The following PPP3CA variants were observed in gnomAD, a reference collection of about 807,000 sequenced individuals.
The protein encoded by PPP3CA is protein phosphatase 3 catalytic subunit alpha.
A neutral mutation model predicts 66.5 loss-of-function variants in PPP3CA; 14 were observed. The observed-to-expected ratio is 0.21, with a 90% confidence interval of 0.14 to 0.33. PPP3CA has a LOEUF of 0.33. Among genes scored for constraint, PPP3CA ranks in the 10% least tolerant of loss-of-function variants. PPP3CA has a pLI of 1.00. For synonymous variants in PPP3CA, 232 were observed against 226.2 expected (o/e 1.03, Z -0.23); for missense variants, 317 against 639.5 (o/e 0.50, Z 5.44).
intron 2 of PPP3CA, among the ~76,000 whole-genome samples, chr4:101,192,703 T>C (rs1724645755): frequency 6.6e-6 from 1 of 152,230 alleles, no homozygotes; most frequent in Admixed American, 6.5e-5. Context: ...TTCAATATCA[T>C]GTAATCTGTC....
intron 1 of PPP3CA, among the ~76,000 whole-genome samples, chr4:101,344,868 A>T (rs2110345485): frequency 6.6e-6 from 1 of 152,346 alleles, no homozygotes; most frequent in South Asian, 2.1e-4. Context: ...TATCATTTGA[A>T]TTATAAGCTT....
At chr4:101,344,176 T>C (rs1385470730) in intron 1 of PPP3CA, among the ~76,000 whole-genome samples, 1 of 152,214 alleles carries the variant, frequency 6.6e-6, no homozygotes, top group African/African-American at 2.4e-5. Flanking sequence ...CTAAACTCCA[T>C]ATTATCTAAT....
rs1450823456 is a variant in PPP3CA at position 101,195,971 on chromosome 4, A to G, written c.204T>C (p.Gly68=). ...TTTTTTCCTGTCGAAGAATTGATGC[A>G]CCCTCTGTTATTATTCTCAATGCAA... ...ESVALRIITE[G]ASILRQEKNL... is the part of the protein sequence containing the mutation. The change falls in exon 2 of 14, where the codon GGT becomes GGC. Residue 68 remains glycine, a synonymous_variant. Coordinates refer to ENST00000394854, the MANE Select transcript of PPP3CA (RefSeq NM_000944.5). The G allele has an allele frequency of 3.7e-6, 6 of 1,613,812 alleles. No homozygotes were observed. Among genetic ancestry groups the G allele is most frequent in the African/African-American group, 1.3e-5 (1 of 74,880 alleles).
chr4:101,298,233 A>G lies in PPP3CA; in HGVS notation c.58+48506T>C, dbSNP rs140621714. On this transcript the variant is annotated intron_variant, in intron 1 of 13. Transcript: ENST00000394854. ...TCAAGAGTCCCTAAGATGTAGCCCA[A>G]TGTCATTCAGGACCCCAAAGCCTCA... 6.7e-3 allele frequency among the ~76,000 whole-genome samples: 1,015 copies of G among 152,050 alleles called. 8 individuals are homozygous for G. Among genetic ancestry groups the G allele is most frequent in the Non-Finnish European group, 9.3e-3 (635 of 67,970 alleles).
At chr4:101,041,572 C>T (rs146993693) in intron 10 of PPP3CA, among the ~76,000 whole-genome samples, 17 of 151,420 alleles carry the variant, frequency 1.1e-4, no homozygotes, top group African/African-American at 3.6e-4. Context: ...GTAGCTGGCA[C>T]AGGCATGTGC....
intron 2 of PPP3CA, among the ~76,000 whole-genome samples, chr4:101,151,273 T>C (rs998578352): frequency 7.2e-5 from 11 of 152,124 alleles, no homozygotes; most frequent in African/African-American, 2.7e-4. Flanking sequence ...TATAGAAATG[T>C]TTACTCTCAG....
In PPP3CA at chr4:101,158,683, A is replaced by G. The variant is rs79660378; in HGVS notation, c.259+37233T>C. Among the ~76,000 whole-genome samples the G allele has an allele frequency of 3.9e-3, 592 of 152,314 alleles. 5 individuals carry two copies. Among genetic ancestry groups the G allele is most frequent in the African/African-American group, 0.013 (560 of 41,558 alleles). ...TGCCTATCACTGGTGCCCATAAATA[A>G]TATCTGAATGAGTCAGTCAATTGTT... On this transcript the variant is annotated intron_variant, in intron 2 of 13. Coordinates refer to ENST00000394854, the MANE Select transcript of PPP3CA (RefSeq NM_000944.5).
At position 101,290,476 on chromosome 4, in the gene PPP3CA, A is replaced by G. The variant is rs1485772568; in HGVS notation, c.58+56263T>C. ...TTAATATAAATATTTCCTTGCTTAAATAATATAAATACATGAGAATGTAAG... is the reference window on the plus strand; with the variant it reads ...TTAATATAAATATTTCCTTGCTTAAGTAATATAAATACATGAGAATGTAAG... On this transcript the variant is annotated intron_variant, in intron 1 of 13. Coordinates refer to ENST00000394854, the MANE Select transcript of PPP3CA (RefSeq NM_000944.5). 5.3e-5 allele frequency among the ~76,000 whole-genome samples: 8 copies of G among 152,242 alleles called. No homozygotes were observed. In the East Asian group the frequency reaches 1.5e-3, roughly 29 times the overall value.
At chr4:101,159,811 C>A (rs982488357) in intron 2 of PPP3CA, among the ~76,000 whole-genome samples, 1 of 152,070 alleles carries the variant, frequency 6.6e-6, no homozygotes, top group Non-Finnish European at 1.5e-5. Flanking sequence ...AGGGCTGATT[C>A]TAAAATAGGT....
chr4:101,187,646 T>C (rs1724455727), intron 2 of PPP3CA, among the ~76,000 whole-genome samples: 1 of 152,164 alleles, frequency 6.6e-6, no homozygotes, highest in Admixed American at 6.6e-5. Context: ...GAATTTCAAA[T>C]GAATAATGTG....
At chr4:101,300,603 T>C (rs1295219645) in intron 1 of PPP3CA, among the ~76,000 whole-genome samples, 1 of 152,132 alleles carries the variant, frequency 6.6e-6, no homozygotes, top group Non-Finnish European at 1.5e-5. Context: ...AAGACCAACC[T>C]GGCCAACACG....
At chr4:101,030,380 A>T (rs1232025771) in intron 12 of PPP3CA, among the ~76,000 whole-genome samples, 1 of 152,116 alleles carries the variant, frequency 6.6e-6, no homozygotes, top group Non-Finnish European at 1.5e-5. Context: ...ATGGAGAGAG[A>T]GAGTACATAG....
intron 1 of PPP3CA, among the ~76,000 whole-genome samples, chr4:101,265,567 T>C (rs1021126317): frequency 6.6e-6 from 1 of 152,176 alleles, no homozygotes. Context: ...TAACTAAACA[T>C]GAATCACTTG....
intron 1 of PPP3CA, among the ~76,000 whole-genome samples, chr4:101,267,522 A>G (rs1233485262): frequency 6.6e-6 from 1 of 152,168 alleles, no homozygotes; most frequent in Non-Finnish European, 1.5e-5. Context: ...TTTGAGGGCT[A>G]TAAGCATAAA....
chr4:101,200,774 T>C (rs1250377518), intron 1 of PPP3CA, among the ~76,000 whole-genome samples: 1 of 152,016 alleles, frequency 6.6e-6, no homozygotes, highest in Admixed American at 6.6e-5. Context: ...AGACTGACCC[T>C]CTCATACTAA....
At chr4:101,266,575 G>A (rs1727177035) in intron 1 of PPP3CA, among the ~76,000 whole-genome samples, 1 of 152,034 alleles carries the variant, frequency 6.6e-6, no homozygotes, top group Non-Finnish European at 1.5e-5. Flanking sequence ...TATAATTAAA[G>A]ATGGCCTAAT....
At chr4:101,059,945 G>T (rs896176537) in intron 10 of PPP3CA, among the ~76,000 whole-genome samples, 1 of 151,960 alleles carries the variant, frequency 6.6e-6, no homozygotes, top group Non-Finnish European at 1.5e-5. Context: ...GTAGATAGTT[G>T]TTAAACTGTA....
chr4:101,308,499 G>A (rs1728616976), intron 1 of PPP3CA, among the ~76,000 whole-genome samples: 1 of 152,036 alleles, frequency 6.6e-6, no homozygotes, highest in South Asian at 2.1e-4. Context: ...AGGCTACAGT[G>A]CAGTGGCATG....
intron 1 of PPP3CA, among the ~76,000 whole-genome samples, chr4:101,249,150 G>A (rs1362908680): frequency 1.4e-5 from 2 of 144,244 alleles, no homozygotes; most frequent in African/African-American, 5.3e-5. Context: ...CTGGGCGACA[G>A]AGCGAGACTC....
Sources: allele counts gnomAD v4.1 joint callset (sites outside exome capture counted in the v4.1 genomes callset), GRCh38; gene constraint gnomAD v4.1.1; transcripts MANE v1.5; gene names NCBI Gene and HGNC (gene_info 2026-07-23, HGNC 2026-07-21).